The following PTDSS2 variants were observed in gnomAD, a reference collection of about 807,000 sequenced individuals.
PTDSS2 encodes phosphatidylserine synthase 2.
PTDSS2 carries 41 observed loss-of-function variants against 64.7 expected under a neutral mutation model. The observed-to-expected ratio is 0.63, with a 90% CI of 0.49 to 0.82. The LOEUF is 0.82. PTDSS2 is among the 40% of genes least tolerant of loss of function. PTDSS2 has a pLI of 0.00. For synonymous variants in PTDSS2, 297 were observed against 277.8 expected (o/e 1.07, Z -0.69); for missense variants, 485 against 650.0 (o/e 0.75, Z 2.76).
chr11:457,520 C>A (rs1846653480), intron 1 of PTDSS2, among the ~76,000 whole-genome samples: 2 of 152,242 alleles, frequency 1.3e-5, no homozygotes, highest in Non-Finnish European at 2.9e-5. Context: ...AGTCCTCCTG[C>A]CTGGGCCTCC....
intron 3 of PTDSS2, among the ~76,000 whole-genome samples, chr11:477,328 G>C (rs1465430953): frequency 6.6e-6 from 1 of 152,246 alleles, no homozygotes; most frequent in Non-Finnish European, 1.5e-5. Flanking sequence ...GTCAGCCACA[G>C]CATTTCCAGG....
rs1465612780 is a variant in PTDSS2 at position 468,834 on chromosome 11, G to A, written c.285-5061G>A. ...TCGGAGGAGGGGAGTCTGGGTAATC[G>A]GAGGAGGGGAGTCTCTGAGATGGAG... On this transcript the variant is annotated intron_variant, in intron 2 of 11. Transcript: ENST00000308020. Among the ~76,000 whole-genome samples the A allele has an allele frequency of 4.8e-5, 7 of 145,614 alleles. No individual in the cohort carries two copies. The East Asian group carries it at 8.4e-4, about 18-fold the overall frequency.
At chr11:486,738 C>T (rs1045703613) in intron 4 of PTDSS2, among the ~76,000 whole-genome samples, 1 of 152,148 alleles carries the variant, frequency 6.6e-6, no homozygotes, top group Non-Finnish European at 1.5e-5. Context: ...GTCCCAGCTA[C>T]TCGGGAGGCT....
intron 2 of PTDSS2, among the ~76,000 whole-genome samples, chr11:472,825 G>C (rs1847534537): frequency 6.6e-6 from 1 of 152,190 alleles, no homozygotes; most frequent in Admixed American, 6.5e-5. Flanking sequence ...ACACGAACGT[G>C]CGTGTGTGTG....
rs144626530 is a variant in PTDSS2 at position 476,424 on chromosome 11, G to A, written c.367+2447G>A. On this transcript the variant is annotated intron_variant, in intron 3 of 11. Coordinates refer to ENST00000308020, the MANE Select transcript of PTDSS2 (RefSeq NM_030783.3). This position sits in a 1 kb window ranked among gnomAD's most constrained non-coding sequence, Gnocchi z 4.9. ...ACAGTGAAAAGCCTGGTGCAGTTAC[G>A]TGCTTGTTGGGTGGATTTGGAGGGA... is the stretch of plus-strand genomic sequence containing the variant. Among the ~76,000 whole-genome samples the A allele has an allele frequency of 1.2e-4, 18 of 152,326 alleles. No homozygotes were observed. The East Asian group carries it at 1.3e-3, about 11-fold the overall frequency.
chr11:487,238 AG>A (rs1848435290), intron 5 of PTDSS2, 165 bp downstream of exon 5: 3 of 939,810 alleles, frequency 3.2e-6, no homozygotes, highest in Non-Finnish European at 3.3e-6. Context: ...CATGGTGGGC[AG>A]GGGGCCCCTG....
intron 2 of PTDSS2, among the ~76,000 whole-genome samples, chr11:469,538 C>T (rs371502380): frequency 2.7e-4 from 40 of 148,878 alleles, no homozygotes; most frequent in Middle Eastern, 3.5e-3. Flanking sequence ...GGGGAGTCTC[C>T]GGGTAATCAG....
chr11:455,507 C>A (rs1167483902), intron 1 of PTDSS2, among the ~76,000 whole-genome samples: 1 of 152,198 alleles, frequency 6.6e-6, no homozygotes, highest in East Asian at 1.9e-4. Flanking sequence ...AGCCCCTTGA[C>A]CTTGTTCCTC....
intron 4 of PTDSS2, among the ~76,000 whole-genome samples, chr11:483,676 G>T (rs1848166175): frequency 6.6e-6 from 1 of 152,184 alleles, no homozygotes; most frequent in African/African-American, 2.4e-5. Context: ...CTGGGTCCCA[G>T]GGTGTGCCTT....
chr11:475,152 CAT>C (rs1204484938), intron 3 of PTDSS2, among the ~76,000 whole-genome samples: 23 of 136,964 alleles, frequency 1.7e-4, no homozygotes, highest in African/African-American at 5.6e-4. Context: ...GTGATACGGA[CAT>C]ATTCACGCGT....
chr11:481,083 CA>C (rs749112324), intron 4 of PTDSS2, among the ~76,000 whole-genome samples: 4,864 of 109,194 alleles, frequency 0.045, 237 homozygotes, highest in African/African-American at 0.14. Context: ...GACTCCGCCT[CA>C]AAAAAAAAAA....
rs183207732 is a variant in PTDSS2 at position 486,018 on chromosome 11, C to T, written c.436-921C>T. Among the ~76,000 whole-genome samples, 449 of 136,578 alleles carry T rather than the reference C, an allele frequency of 3.3e-3. 6 individuals carry two copies. The highest frequency in any genetic ancestry group is 5.7e-3 in the Admixed American group (81 of 14,290). 89.6% of individuals were successfully genotyped at this position (136,578 alleles called of 152,430 possible). ...CGTAAGCAGTGCACGGGCGCGCGTGCTCACCGTGTGCGCAGGCGAGTGTAA... is the reference window on the plus strand; with the variant it reads ...CGTAAGCAGTGCACGGGCGCGCGTGTTCACCGTGTGCGCAGGCGAGTGTAA... On this transcript the variant is annotated intron_variant, in intron 4 of 11. Transcript: ENST00000308020.
chr11:485,259 C>CCGTG (rs1848287724), intron 4 of PTDSS2, among the ~76,000 whole-genome samples: 1 of 130,384 alleles, frequency 7.7e-6, no homozygotes, highest in African/African-American at 3.0e-5. Flanking sequence ...TGTGTGCTCA[C>CCGTG]TGCGCAGGCG....
intron 1 of PTDSS2, chr11:451,251 A>G: frequency 2.8e-6 from 1 of 362,968 alleles, no homozygotes; most frequent in Non-Finnish European, 5.8e-6. Context: ...ACTCAGCCCT[A>G]GCTACACCTT....
intron 1 of PTDSS2, among the ~76,000 whole-genome samples, chr11:456,129 CTTG>C (rs1055625846): frequency 2.0e-5 from 3 of 150,486 alleles, no homozygotes; most frequent in Non-Finnish European, 3.0e-5. Flanking sequence ...TCTAAACCTG[CTTG>C]TTGTTTTGGT....
At position 490,868 on chromosome 11, in the gene PTDSS2, G is replaced by C. The variant is rs1411371104; in HGVS notation, c.*286G>C. 1 of 422,510 alleles carries C rather than the reference G, an allele frequency of 2.4e-6. No homozygotes were observed. Among genetic ancestry groups the C allele is most frequent in the Non-Finnish European group, 4.2e-6 (1 of 236,214 alleles). 26.2% of individuals were successfully genotyped at this position (422,510 alleles called of 1,614,324 possible). A position where few individuals can be genotyped will look rare whatever the true frequency, so the allele number is the denominator to read the frequency against. ...GTGCACGTGTGCTCTGGGCTCCGAG[G>C]CTTCTCCAGAGCTGGGAGCTGGCTG... On this transcript the variant is annotated 3_prime_UTR_variant, in exon 12 of 12. Coordinates refer to ENST00000308020, the MANE Select transcript of PTDSS2 (RefSeq NM_030783.3).
Position 479,013 on chromosome 11 carries a change from C to T in PTDSS2, c.368-72C>T, listed in dbSNP as rs953404127. The stretch of plus-strand genomic sequence containing the variant: ...ACACTGGGTGTGAAGGAGCCAGGAG[C>T]CGGCCTGGGGCTGAGCGGGGCCGTG... On this transcript the variant is annotated intron_variant, in intron 3 of 11. Transcript: ENST00000308020. The surrounding 1 kb of genome is among the most constrained non-coding windows in gnomAD (Gnocchi z 4.2). 3 of 1,293,290 alleles carry T rather than the reference C, an allele frequency of 2.3e-6. No individual in the cohort carries two copies. 80.1% of individuals were successfully genotyped at this position (1,293,290 alleles called of 1,614,324 possible). A position where few individuals can be genotyped will look rare whatever the true frequency, so the allele number is the denominator to read the frequency against.
Position 489,638 on chromosome 11 carries a change from GC to G in PTDSS2, c.1025del (p.Pro342ArgfsTer14). On this transcript the variant is annotated frameshift_variant, in exon 10 of 12. Transcript: ENST00000308020. LOFTEE classifies it high-confidence loss of function. ...TCTACCTGAAGTTTGTGCTGTGGAT[GC>G]CCCCGGAGCACTACCTGGTCCTCCT... ...TFYLKFVLWMPPEHYLVLLRL... is the reference protein window; with the variant it reads ...TFYLKFVLWMXPEHYLVLLRL... 6.3e-7 allele frequency: 1 copy of G among 1,595,372 alleles called. No homozygotes were observed. Among genetic ancestry groups the G allele is most frequent in the Non-Finnish European group, 8.5e-7 (1 of 1,170,904 alleles).
At chr11:450,874 C>G (rs1846288775) in intron 1 of PTDSS2, among the ~76,000 whole-genome samples, 1 of 152,220 alleles carries the variant, frequency 6.6e-6, no homozygotes, top group East Asian at 1.9e-4. Context: ...CCTGGGCAGA[C>G]CCTCCCTGCG....
Sources: allele counts gnomAD v4.1 joint callset (sites outside exome capture counted in the v4.1 genomes callset), GRCh38; gene constraint gnomAD v4.1.1; non-coding constraint Gnocchi (gnomAD v3.1); transcripts MANE v1.5; gene names NCBI Gene and HGNC (gene_info 2026-07-23, HGNC 2026-07-21).